Variants in VIPR2 observed in about 807,000 individuals in gnomAD.
VIPR2 encodes vasoactive intestinal peptide receptor 2.
VIPR2 carries 48 observed loss-of-function variants against 58.0 expected under a neutral mutation model. The ratio of observed to expected loss-of-function variants is 0.83; its 90% confidence interval spans 0.66 to 1.05. The LOEUF (loss-of-function observed/expected upper bound fraction) is 1.05, where lower values mean the gene tolerates loss of function less well. VIPR2 is among the 50% of genes least tolerant of loss of function. The probability of loss-of-function intolerance (pLI) is 0.00; values close to 1 mark genes in which losing one functional copy is unlikely to be tolerated. For missense variants in VIPR2, 534 were observed against 558.0 expected (o/e 0.96, Z 0.43); for synonymous variants, 243 against 235.2 (o/e 1.03, Z -0.30).
chr7:159,083,151 T>G (rs1856998411), intron 4 of VIPR2, among the ~76,000 whole-genome samples: 1 of 152,168 alleles, frequency 6.6e-6, no homozygotes, highest in Admixed American at 6.5e-5. Flanking sequence ...TGACTCCACT[T>G]GCCTGTCACA....
intron 4 of VIPR2, among the ~76,000 whole-genome samples, chr7:159,088,702 G>A (rs960336954): frequency 1.3e-5 from 2 of 152,248 alleles, no homozygotes; most frequent in Non-Finnish European, 2.9e-5. Flanking sequence ...ATCACACAGC[G>A]GTGGCAGCAC....
chr7:159,073,745 C>T (rs908485957), intron 4 of VIPR2, among the ~76,000 whole-genome samples: 6 of 152,032 alleles, frequency 3.9e-5, no homozygotes, highest in Non-Finnish European at 2.9e-5. Flanking sequence ...ATTATAATTT[C>T]TTAGGTCTCA....
intron 2 of VIPR2, among the ~76,000 whole-genome samples, chr7:159,119,161 G>A (rs905556813): frequency 3.3e-5 from 5 of 152,184 alleles, no homozygotes; most frequent in African/African-American, 9.7e-5. Flanking sequence ...AGGCCCTGGC[G>A]ATTCTGACAA....
chr7:159,132,914 A>AGAT (rs1428280971), intron 2 of VIPR2, among the ~76,000 whole-genome samples: 2 of 43,426 alleles, frequency 4.6e-5, no homozygotes, highest in Admixed American at 2.5e-4. Context: ...ATTGGCATAC[A>AGAT]GATTGATTTC....
intron 5 of VIPR2, among the ~76,000 whole-genome samples, chr7:159,046,589 G>A (rs557068704): frequency 2.0e-4 from 31 of 152,126 alleles, no homozygotes; most frequent in Admixed American, 7.2e-4. Flanking sequence ...TAGGAAGTTC[G>A]GGAACTAGCT....
chr7:159,030,547 C>T lies in VIPR2; in HGVS notation c.*69G>A. On this transcript the variant is annotated 3_prime_UTR_variant, in exon 13 of 13. Transcript: ENST00000262178. ...TGCTCGGGCATCTGGAAGGAGGAAG[C>T]CGGCGTCTCAGCCCCGCAGAAGCCC... is the stretch of plus-strand genomic sequence containing the variant. The T allele has an allele frequency of 6.9e-7, 1 of 1,456,600 alleles. No homozygotes were observed. Among genetic ancestry groups the T allele is most frequent in the Non-Finnish European group, 9.1e-7 (1 of 1,100,578 alleles). The allele number at this position is 1,456,600 out of a possible 1,614,324, so 90.2% of individuals were successfully genotyped here.
chr7:159,102,195 CTG>C (rs1477759529), intron 4 of VIPR2, among the ~76,000 whole-genome samples: 1 of 141,070 alleles, frequency 7.1e-6, no homozygotes, highest in African/African-American at 2.7e-5. Context: ...CCAACTGTTC[CTG>C]TGATAGTGAA....
At chr7:159,136,246 C>T (rs1017579718) in intron 2 of VIPR2, among the ~76,000 whole-genome samples, 12 of 152,080 alleles carry the variant, frequency 7.9e-5, no homozygotes, top group Admixed American at 1.3e-4. Context: ...GGGGGCTGAG[C>T]GTGTTGGCCC....
chr7:159,103,205 T>C lies in VIPR2; in HGVS notation c.357+552A>G, dbSNP rs560662446. Among the ~76,000 whole-genome samples the C allele has an allele frequency of 1.4e-3, 207 of 152,302 alleles. 1 individual carries two copies. Among genetic ancestry groups the C allele is most frequent in the African/African-American group, 4.7e-3 (196 of 41,568 alleles). On this transcript the variant is annotated intron_variant, in intron 4 of 12. Transcript: ENST00000262178. ...AGAGCTCCAGATCACTGCAGCAAGT[T>C]TGTGCAGCCCGGATTGGGGGGTCCC...
intron 2 of VIPR2, among the ~76,000 whole-genome samples, chr7:159,137,991 C>T (rs900225677): frequency 6.6e-6 from 1 of 152,212 alleles, no homozygotes; most frequent in Non-Finnish European, 1.5e-5. Flanking sequence ...CAAAACTGCT[C>T]GGTTCAGACC....
At chr7:159,034,709 G>A in intron 8 of VIPR2, 59 bp from the exon 9 acceptor site, 1 of 1,487,298 alleles carries the variant, frequency 6.7e-7, no homozygotes, top group East Asian at 2.3e-5. Context: ...GACAGGTACA[G>A]AAGAATGAGC....
chr7:159,065,672 C>G (rs1856037853), intron 4 of VIPR2, among the ~76,000 whole-genome samples: 1 of 152,198 alleles, frequency 6.6e-6, no homozygotes, highest in Admixed American at 6.5e-5. Context: ...TTTTTCAACA[C>G]TAAGGTTTTA....
chr7:159,123,288 TAAA>T (rs370294230), intron 2 of VIPR2, among the ~76,000 whole-genome samples: 132 of 72,880 alleles, frequency 1.8e-3, no homozygotes, highest in African/African-American at 4.6e-3. Context: ...CAAGACTCTG[TAAA>T]AAAAAAAAAA....
chr7:159,100,781 C>T (rs533495200), intron 4 of VIPR2, among the ~76,000 whole-genome samples: 17 of 150,068 alleles, frequency 1.1e-4, no homozygotes, highest in East Asian at 2.0e-4. Context: ...TCAGATCCGA[C>T]GAGGCGGTTC....
In VIPR2 at chr7:159,061,449, C is replaced by T. The variant is rs527534946; in HGVS notation, c.358-2871G>A. Among the ~76,000 whole-genome samples the T allele has an allele frequency of 9.1e-4, 137 of 151,226 alleles. 8 individuals are homozygous for T. In the South Asian group the frequency reaches 0.025, roughly 28 times the overall value. ...ACTGCTTGCTCCCAGGAATTTGAGA[C>T]CAGCCTGGGCAACAGAGTGACACCC... is the stretch of plus-strand genomic sequence containing the variant. On this transcript the variant is annotated intron_variant, in intron 4 of 12. Coordinates refer to ENST00000262178, the MANE Select transcript of VIPR2 (RefSeq NM_003382.5).
Position 159,130,508 on chromosome 7 carries a change from A to G in VIPR2, c.151+11938T>C, listed in dbSNP as rs574172428. Among the ~76,000 whole-genome samples, 275 of 146,640 alleles carry G rather than the reference A, an allele frequency of 1.9e-3. 1 individual carries two copies. The highest frequency in any genetic ancestry group is 7.2e-3 in the African/African-American group (263 of 36,440). On this transcript the variant is annotated intron_variant, in intron 2 of 12. Transcript: ENST00000262178. ...ATGGCTCCACCTGGACCGGCCAACC[A>G]CTCCTGTAGCCCCACCCAGAAGTGA...
intron 1 of VIPR2, 124 bp from the exon 2 acceptor site, chr7:159,142,669 T>A (rs1231545838): frequency 1.6e-6 from 1 of 608,666 alleles, no homozygotes; most frequent in Non-Finnish European, 2.8e-6. Context: ...CCAAAATGCA[T>A]TTAAAACCAA....
chr7:159,047,463 T>C (rs1854725108), intron 5 of VIPR2, among the ~76,000 whole-genome samples: 1 of 152,188 alleles, frequency 6.6e-6, no homozygotes, highest in African/African-American at 2.4e-5. Context: ...TTTCATAGTT[T>C]CCATTTGTCA....
intron 4 of VIPR2, among the ~76,000 whole-genome samples, chr7:159,090,026 C>T (rs1040524944): frequency 1.3e-5 from 2 of 151,968 alleles, no homozygotes; most frequent in Non-Finnish European, 2.9e-5. Context: ...GCACAGGGGC[C>T]ACCTCTTGTG....
Sources: gnomAD v4.1 joint callset for allele counts (sites outside exome capture counted in the v4.1 genomes callset) on GRCh38, gnomAD v4.1.1 for gene constraint, MANE v1.5 for transcripts, NCBI Gene and HGNC (gene_info 2026-07-23, HGNC 2026-07-21) for gene names.